Variants in SPIDR observed in about 807,000 individuals in gnomAD.
SPIDR encodes scaffold protein involved in DNA repair, also known as DNA repair-scaffolding protein.
A neutral mutation model predicts 104.6 loss-of-function variants in SPIDR; 93 were observed. That is an observed-to-expected ratio of 0.89 (90% CI 0.75 to 1.06). The LOEUF is 1.06. SPIDR is among the 50% of genes least tolerant of loss of function. The pLI is 0.00. For missense variants in SPIDR, 1,154 were observed against 1,111.2 expected, an observed-to-expected ratio of 1.04 and a Z score of -0.55; for synonymous variants, 431 against 416.9, an observed-to-expected ratio of 1.03 and a Z score of -0.41.
At chr8:47,515,172 T>C (rs1005904833) in intron 8 of SPIDR, among the ~76,000 whole-genome samples, 3 of 152,166 alleles carry the variant, frequency 2.0e-5, no homozygotes, top group Admixed American at 6.5e-5. Flanking sequence ...CTAGTGTGCT[T>C]TCTGACAATA....
chr8:47,377,884 A>G (rs1342635713), intron 5 of SPIDR, among the ~76,000 whole-genome samples: 1 of 152,126 alleles, frequency 6.6e-6, no homozygotes, highest in African/African-American at 2.4e-5. Context: ...CAGAAACACA[A>G]CATGTTCTGC....
At chr8:47,302,477 G>A (rs1341275194) in intron 5 of SPIDR, among the ~76,000 whole-genome samples, 7 of 152,110 alleles carry the variant, frequency 4.6e-5, no homozygotes, top group African/African-American at 7.2e-5. Flanking sequence ...GCTTTGTTCC[G>A]TTGCTGGTGA....
At chr8:47,636,421 A>G (rs968702171) in intron 10 of SPIDR, among the ~76,000 whole-genome samples, 1 of 152,214 alleles carries the variant, frequency 6.6e-6, no homozygotes, top group Non-Finnish European at 1.5e-5. Flanking sequence ...AGATGAAAGG[A>G]AGAGTTGCAC....
chr8:47,702,074 CTCTCTCTCTCTCTCTCTCTCTCTT>C (rs1458714149), intron 14 of SPIDR, 59 bp downstream of exon 14: 57 of 610,998 alleles, frequency 9.3e-5, no homozygotes, highest in Middle Eastern at 3.9e-4. Context: ...CTCTCTCTCT[CTCTCTCTCTCTCTCTCTCTCTCTT>C]ACACACACAC....
intron 7 of SPIDR, among the ~76,000 whole-genome samples, chr8:47,438,197 T>G (rs576590958): frequency 1.3e-5 from 2 of 152,300 alleles, no homozygotes; most frequent in South Asian, 4.1e-4. Flanking sequence ...AGCAGACCCC[T>G]GGGTGCTTGA....
At chr8:47,417,799 T>A (rs1554676482) in intron 7 of SPIDR, among the ~76,000 whole-genome samples, 1 of 152,188 alleles carries the variant, frequency 6.6e-6, no homozygotes, top group African/African-American at 2.4e-5. Context: ...TTAATTTTTG[T>A]ATAAGGTGTA....
At chr8:47,663,750 G>A (rs1024498589) in intron 10 of SPIDR, among the ~76,000 whole-genome samples, 19 of 152,158 alleles carry the variant, frequency 1.2e-4, no homozygotes, top group Non-Finnish European at 2.9e-5. Context: ...ATAAATAAGG[G>A]CTAAAGAGCC....
At position 47,275,397 on chromosome 8, in the gene SPIDR, T is replaced by C. The variant is rs1005756428; in HGVS notation, c.34-4465T>C. ...ACAACTGCTTATATATATTTAAAAA[T>C]TTGTACATTATTTTTTTTAAATTTA... On this transcript the variant is annotated intron_variant, in intron 1 of 19. Transcript: ENST00000297423. Among the ~76,000 whole-genome samples, 8 of 152,294 alleles carry C rather than the reference T, an allele frequency of 5.3e-5. No homozygotes were observed. In the South Asian group the frequency reaches 1.2e-3, roughly 24 times the overall value.
chr8:47,305,506 TAG>T (rs1347599231), intron 5 of SPIDR, among the ~76,000 whole-genome samples: 2 of 152,180 alleles, frequency 1.3e-5, no homozygotes, highest in Non-Finnish European at 2.9e-5. Context: ...CAGTAACTCA[TAG>T]AAGATGGAAT....
chr8:47,416,929 T>C (rs1408472955), intron 7 of SPIDR, among the ~76,000 whole-genome samples: 9 of 152,172 alleles, frequency 5.9e-5, no homozygotes, highest in Admixed American at 1.3e-4. Context: ...TCCAGCTTCA[T>C]CCATGTCCCT....
chr8:47,681,715 CATTA>C (rs1269300754), intron 11 of SPIDR, among the ~76,000 whole-genome samples: 2 of 152,172 alleles, frequency 1.3e-5, no homozygotes, highest in African/African-American at 4.8e-5. Flanking sequence ...ACTATGAACA[CATTA>C]ATTGATTCTT....
chr8:47,366,520 G>A (rs1313304708), intron 5 of SPIDR, among the ~76,000 whole-genome samples: 8 of 152,192 alleles, frequency 5.3e-5, no homozygotes, highest in Non-Finnish European at 8.8e-5. Flanking sequence ...CTCTAGGTAC[G>A]AAGTGTGTTT....
rs751981218 is a variant in SPIDR at position 47,700,409 on chromosome 8, G to A, written c.1692G>A (p.Ala564=). Residue 564 remains alanine, a synonymous_variant, in exon 12 of 20, where the codon GCG becomes GCA. Transcript: ENST00000297423. ...VLQKVTRGRT[A]GIFSLIDTLW... ...TTGACTTTTCTTGTTCCAGGACAGC[G>A]GGGATTTTCAGTTTGATTGACACCC... 149 of 1,614,176 alleles carry A rather than the reference G, an allele frequency of 9.2e-5. 1 individual carries two copies. The highest frequency in any genetic ancestry group is 1.7e-4 in the African/African-American group (13 of 75,040).
chr8:47,547,971 T>C (rs1007745717), intron 8 of SPIDR: 1 of 154,878 alleles, frequency 6.5e-6, no homozygotes, highest in African/African-American at 2.4e-5. Flanking sequence ...TTTAGCCCTA[T>C]AAAATTCCCT....
chr8:47,359,792 G>T (rs1238123849), intron 5 of SPIDR, among the ~76,000 whole-genome samples: 1 of 152,116 alleles, frequency 6.6e-6, no homozygotes, highest in Non-Finnish European at 1.5e-5. Context: ...GGAATGTGCT[G>T]CCAGCCTCTT....
intron 7 of SPIDR, among the ~76,000 whole-genome samples, chr8:47,418,184 A>G (rs1381171793): frequency 6.6e-6 from 1 of 152,124 alleles, no homozygotes; most frequent in Non-Finnish European, 1.5e-5. Flanking sequence ...CTTGATGGGG[A>G]TAGCACTGAA....
intron 17 of SPIDR, among the ~76,000 whole-genome samples, chr8:47,727,580 T>G (rs2084462398): frequency 6.6e-6 from 1 of 152,090 alleles, no homozygotes; most frequent in South Asian, 2.1e-4. Context: ...AGGACAAACA[T>G]GAATAAGTGA....
intron 8 of SPIDR, among the ~76,000 whole-genome samples, chr8:47,461,421 C>T (rs896982237): frequency 5.9e-5 from 9 of 152,158 alleles, no homozygotes; most frequent in African/African-American, 2.2e-4. Flanking sequence ...AAGCGATTCT[C>T]CTGCCTCAGC....
chr8:47,487,898 A>G (rs1554733069), intron 8 of SPIDR, among the ~76,000 whole-genome samples: 1 of 152,220 alleles, frequency 6.6e-6, no homozygotes, highest in African/African-American at 2.4e-5. Flanking sequence ...CCACAAGAGA[A>G]AGCAGGAAAG....
Sources: allele counts gnomAD v4.1 joint callset (sites outside exome capture counted in the v4.1 genomes callset), GRCh38; gene constraint gnomAD v4.1.1; transcripts MANE v1.5; gene names NCBI Gene and HGNC (gene_info 2026-07-23, HGNC 2026-07-21).